Variants in C1orf87 observed in about 807,000 individuals in gnomAD.
C1orf87 encodes chromosome 1 open reading frame 87.
A neutral mutation model predicts 60.5 loss-of-function variants in C1orf87; 58 were observed. That is an observed-to-expected ratio of 0.96 (90% CI 0.78 to 1.19). The LOEUF is 1.19. Ranked by LOEUF, C1orf87 falls within the 50% of genes most tolerant of loss-of-function variation. C1orf87 has a pLI of 0.00. For synonymous variants in C1orf87, 236 were observed against 227.4 expected (o/e 1.04, Z -0.34); for missense variants, 673 against 638.6 (o/e 1.05, Z -0.58).
intron 3 of C1orf87, among the ~76,000 whole-genome samples, chr1:60,048,720 T>A (rs915990898): frequency 6.6e-6 from 1 of 152,106 alleles, no homozygotes; most frequent in Non-Finnish European, 1.5e-5. Flanking sequence ...AACCACTTTT[T>A]AATAATGTTC....
At chr1:59,999,844 T>A (rs1213096696) in intron 10 of C1orf87, among the ~76,000 whole-genome samples, 1 of 152,172 alleles carries the variant, frequency 6.6e-6, no homozygotes, top group Non-Finnish European at 1.5e-5. Context: ...TTACTTCTGT[T>A]TTAAAAACCC....
At position 60,055,235 on chromosome 1, in the gene C1orf87, CCT is replaced by C; in HGVS notation, c.309_310del (p.Ala105LysfsTer3). 3 of 1,613,844 alleles carry C rather than the reference CCT, an allele frequency of 1.9e-6. No individual in the cohort carries two copies. The highest frequency in any genetic ancestry group is 2.5e-6 in the Non-Finnish European group (3 of 1,179,910). The stretch of plus-strand genomic sequence containing the variant: ...ATCCAGGAATCTGCTACTGTTTGCC[CCT>C]GTTAGTAGTTTCTGGTTGTTTTCTG... On this transcript the variant is annotated frameshift_variant, in exon 3 of 12. Coordinates refer to ENST00000371201, the MANE Select transcript of C1orf87 (RefSeq NM_152377.3). LOFTEE classifies it high-confidence loss of function.
intron 5 of C1orf87, among the ~76,000 whole-genome samples, chr1:60,038,986 G>C (rs587204): frequency 0.6 from 91,476 of 151,962 alleles, 27,798 homozygotes; most frequent in South Asian, 0.65. Flanking sequence ...ATGGGTTGCA[G>C]TAATAAATCA....
chr1:60,027,716 GA>G (rs775166884), intron 7 of C1orf87, among the ~76,000 whole-genome samples: 4 of 111,402 alleles, frequency 3.6e-5, no homozygotes, highest in East Asian at 2.0e-4. Flanking sequence ...AAGCTTAAAA[GA>G]GGGGAAAAAA....
Position 60,033,520 on chromosome 1 carries a change from G to T in C1orf87, c.985C>A (p.Arg329=), listed in dbSNP as rs147997086. 281 of 1,613,804 alleles carry T rather than the reference G, an allele frequency of 1.7e-4. No homozygotes were observed. The highest frequency in any genetic ancestry group is 1.8e-4 in the South Asian group (16 of 90,944). Residue 329 remains arginine (R), a synonymous_variant, in exon 7 of 12, where the codon CGA becomes AGA. Transcript: ENST00000371201. ...CCAGAGAACGAGCGATCTTCTTTTCGAAAACTCAGATTGAGATTGTCTATG... is the reference window on the plus strand; with the variant it reads ...CCAGAGAACGAGCGATCTTCTTTTCTAAAACTCAGATTGAGATTGTCTATG... ...LNIDNLNLSF[R]KEDRSFSGCL... is the part of the protein sequence containing the mutation.
In C1orf87 at chr1:60,039,879, A is replaced by G. The variant is rs754284914; in HGVS notation, c.747+38T>C. On this transcript the variant is annotated intron_variant, in intron 5 of 11. Coordinates refer to ENST00000371201, the MANE Select transcript of C1orf87 (RefSeq NM_152377.3). ...CCTTGTGGGTACAAGTTAAGGAAAC[A>G]AAAGGAACCCACACTTCCAATAGTA... The G allele has an allele frequency of 3.8e-6, 6 of 1,581,830 alleles. No homozygotes were observed. The Admixed American group carries it at 1.1e-4, about 30-fold the overall frequency.
Position 59,997,667 on chromosome 1 carries a change from C to T in C1orf87, c.1422G>A (p.Trp474Ter). 1.2e-6 allele frequency: 2 copies of T among 1,613,976 alleles called. No individual in the cohort carries two copies. Among genetic ancestry groups the T allele is most frequent in the Non-Finnish European group, 1.7e-6 (2 of 1,179,904 alleles). Reference protein sequence around the residue: ...VKNKAEECETWIDRFRKLENA... With the variant: ...VKNKAEECET ...TTTCCAGCTTCCTGAACCTGTCTAT[C>T]CACGTCTCACATTCCTCAGCCTTGT... is the stretch of plus-strand genomic sequence containing the variant. Residue 474 changes from tryptophan to a stop codon, truncating the protein, a stop_gained, in exon 11 of 12, where the codon TGG becomes TGA. Coordinates refer to ENST00000371201, the MANE Select transcript of C1orf87 (RefSeq NM_152377.3). LOFTEE classifies it high-confidence loss of function.
At chr1:60,007,207 C>CA (rs1306801269) in intron 9 of C1orf87, among the ~76,000 whole-genome samples, 2 of 152,082 alleles carry the variant, frequency 1.3e-5, no homozygotes, top group African/African-American at 2.4e-5. Context: ...CCACAGCACC[C>CA]AGACTCTTAC....
intron 3 of C1orf87, among the ~76,000 whole-genome samples, chr1:60,052,083 T>C (rs1645418476): frequency 6.6e-6 from 1 of 152,214 alleles, no homozygotes; most frequent in Admixed American, 6.5e-5. Context: ...TTACCTACCT[T>C]GCAAGGCTAT....
chr1:60,025,332 G>C (rs1645191473), intron 8 of C1orf87, 69 bp downstream of exon 8: 1 of 1,236,746 alleles, frequency 8.1e-7, no homozygotes, highest in Non-Finnish European at 1.2e-6. Flanking sequence ...TGAAGTTAAA[G>C]CTTCACCATA....
chr1:60,007,976 C>T (rs962662440), intron 9 of C1orf87, among the ~76,000 whole-genome samples: 20 of 151,978 alleles, frequency 1.3e-4, no homozygotes, highest in African/African-American at 4.3e-4. Flanking sequence ...CCCTCCTTCA[C>T]TTTGATAACA....
chr1:60,036,008 G>A (rs888554013), intron 6 of C1orf87, among the ~76,000 whole-genome samples: 5 of 152,112 alleles, frequency 3.3e-5, no homozygotes, highest in Admixed American at 6.5e-5. Context: ...GTTTTCTACC[G>A]CATGGTCTAT....
intron 8 of C1orf87, among the ~76,000 whole-genome samples, chr1:60,021,160 A>G (rs1018749432): frequency 1.2e-4 from 19 of 152,194 alleles, no homozygotes; most frequent in Non-Finnish European, 2.2e-4. Flanking sequence ...TACAGCCTAC[A>G]GAACTGTGAG....
At chr1:60,013,987 G>A (rs115400201) in intron 8 of C1orf87, among the ~76,000 whole-genome samples, 1,979 of 152,086 alleles carry the variant, frequency 0.013, 28 homozygotes, top group African/African-American at 0.044. Context: ...CTTCCTCTCC[G>A]TACTAACCTC....
chr1:60,062,907 C>G (rs1645506930), intron 2 of C1orf87, among the ~76,000 whole-genome samples: 1 of 152,014 alleles, frequency 6.6e-6, no homozygotes, highest in Non-Finnish European at 1.5e-5. Context: ...TTTCATAATG[C>G]CCTGTATTCT....
chr1:60,009,988 C>T (rs996463381), intron 9 of C1orf87, among the ~76,000 whole-genome samples: 1 of 150,238 alleles, frequency 6.7e-6, no homozygotes, highest in African/African-American at 2.4e-5. Context: ...AACCTATACA[C>T]TAAACATATA....
chr1:59,999,281 C>G lies in C1orf87; in HGVS notation c.1273-1465G>C, dbSNP rs564501535. Among the ~76,000 whole-genome samples the G allele has an allele frequency of 3.9e-5, 6 of 152,132 alleles. No individual in the cohort carries two copies. The East Asian group carries it at 1.2e-3, about 29-fold the overall frequency. On this transcript the variant is annotated intron_variant, in intron 10 of 11. Coordinates refer to ENST00000371201, the MANE Select transcript of C1orf87 (RefSeq NM_152377.3). ...ATGACAAACAACCAGTACGTCTTAA[C>G]GGATTCCTATAAAAAGAATTCTACT...
rs904653791 is a variant in C1orf87, at chr1:60,068,469, C to A, written c.107+4068G>T. ...GCAGGGTCACACACACAAATCCTCC[C>A]CACCTCCAGCAAGTTGTGATTATAT... On this transcript the variant is annotated intron_variant, in intron 2 of 11. Coordinates refer to ENST00000371201, the MANE Select transcript of C1orf87 (RefSeq NM_152377.3). 1.2e-4 allele frequency among the ~76,000 whole-genome samples: 19 copies of A among 152,136 alleles called. 1 individual carries two copies. Among genetic ancestry groups the A allele is most frequent in the Non-Finnish European group, 2.1e-4 (14 of 68,024 alleles).
chr1:60,010,933 G>A (rs1263806799), intron 8 of C1orf87: 1 of 151,940 alleles, frequency 6.6e-6, no homozygotes, highest in African/African-American at 2.4e-5. Context: ...CCGTGCCACT[G>A]GCCTCTCACC....
Sources: allele counts gnomAD v4.1 joint callset (sites outside exome capture counted in the v4.1 genomes callset), GRCh38; gene constraint gnomAD v4.1.1; transcripts MANE v1.5; gene names NCBI Gene and HGNC (gene_info 2026-07-23, HGNC 2026-07-21).